Variants in RFX3 observed in about 807,000 individuals in gnomAD.
The protein encoded by RFX3 is regulatory factor X3.
RFX3 carries 14 observed loss-of-function variants against 98.6 expected under a neutral mutation model. That is an observed-to-expected ratio of 0.14 (90% confidence interval 0.09 to 0.22). The LOEUF (loss-of-function observed/expected upper bound fraction) is 0.22, where lower values mean the gene tolerates loss of function less well. Among genes scored for constraint, RFX3 ranks in the 10% least tolerant of loss-of-function variants. The pLI is 1.00. For synonymous variants in RFX3, 383 were observed against 328.4 expected (o/e 1.17, Z -1.80); for missense variants, 639 against 926.9 (o/e 0.69, Z 4.03).
At chr9:3,416,344 C>A (rs1288314990) in intron 1 of RFX3, among the ~76,000 whole-genome samples, 1 of 152,134 alleles carries the variant, frequency 6.6e-6, no homozygotes, top group Middle Eastern at 3.2e-3. Flanking sequence ...AACAAGATTA[C>A]TAGAGTTCAA....
intron 1 of RFX3, among the ~76,000 whole-genome samples, chr9:3,447,532 C>T (rs558747541): frequency 2.6e-5 from 4 of 152,194 alleles, no homozygotes; most frequent in Admixed American, 6.5e-5. Flanking sequence ...CAATTTGTTT[C>T]GATTTTTTTC....
chr9:3,286,897 ACTC>A (rs1342548218), intron 7 of RFX3, among the ~76,000 whole-genome samples: 1 of 151,326 alleles, frequency 6.6e-6, no homozygotes, highest in Admixed American at 6.6e-5. Flanking sequence ...TCTTTTTATG[ACTC>A]CTCTAAGTTC....
At chr9:3,369,916 G>GTCT (rs1232164463) in intron 2 of RFX3, among the ~76,000 whole-genome samples, 3 of 151,526 alleles carry the variant, frequency 2.0e-5, no homozygotes. Flanking sequence ...TGCAAGCTCC[G>GTCT]CCCTCGGGTT....
chr9:3,354,410 C>T (rs1375402269), intron 2 of RFX3, among the ~76,000 whole-genome samples: 1 of 151,648 alleles, frequency 6.6e-6, no homozygotes, highest in East Asian at 1.9e-4. Context: ...GAATAAAGAA[C>T]ATTAAACCAA....
At chr9:3,398,925 A>T (rs916024356) in intron 1 of RFX3, among the ~76,000 whole-genome samples, 1,532 of 148,694 alleles carry the variant, frequency 0.01, 57 homozygotes, top group African/African-American at 0.036. Context: ...AAAAAAAAAA[A>T]AAAAAAAAAA....
chr9:3,474,759 C>T (rs1181225094), intron 1 of RFX3, among the ~76,000 whole-genome samples: 2 of 152,148 alleles, frequency 1.3e-5, no homozygotes, highest in African/African-American at 2.4e-5. Flanking sequence ...CAACAATACA[C>T]CATTAGAACC....
At chr9:3,521,686 A>T (rs1818724373) in intron 1 of RFX3, among the ~76,000 whole-genome samples, 1 of 152,224 alleles carries the variant, frequency 6.6e-6, no homozygotes, top group South Asian at 2.1e-4. Flanking sequence ...TATAAACTTT[A>T]TAGCAGTAAA....
At chr9:3,333,435 G>GTTTTGT (rs1563941931) in intron 3 of RFX3, among the ~76,000 whole-genome samples, 1 of 109,442 alleles carries the variant, frequency 9.1e-6, no homozygotes, top group Non-Finnish European at 2.0e-5. Context: ...CATAGAAAAT[G>GTTTTGT]TTTTTTTTTT....
At chr9:3,266,359 G>T in intron 11 of RFX3, 54 bp from the exon 12 acceptor site, 1 of 1,156,960 alleles carries the variant, frequency 8.6e-7, no homozygotes, top group Non-Finnish European at 1.3e-6. Flanking sequence ...GAATATTAAT[G>T]TTTGTGCTAG....
chr9:3,405,124 A>T (rs1256244700), intron 1 of RFX3, among the ~76,000 whole-genome samples: 1 of 151,698 alleles, frequency 6.6e-6, no homozygotes, highest in Non-Finnish European at 1.5e-5. Flanking sequence ...CAAGACATTC[A>T]TTTTTTCCGG....
chr9:3,429,085 C>G (rs1421285804), intron 1 of RFX3, among the ~76,000 whole-genome samples: 24 of 149,400 alleles, frequency 1.6e-4, no homozygotes, highest in Non-Finnish European at 2.4e-4. Flanking sequence ...TGCGGTGGCG[C>G]GATCTCGGCT....
At chr9:3,370,440 T>G (rs1009697777) in intron 2 of RFX3, among the ~76,000 whole-genome samples, 1 of 151,780 alleles carries the variant, frequency 6.6e-6, no homozygotes, top group African/African-American at 2.4e-5. Flanking sequence ...CTCTATCCTT[T>G]CAAATCTTCT....
At chr9:3,263,949 A>G (rs551292455) in intron 12 of RFX3, among the ~76,000 whole-genome samples, 2 of 152,262 alleles carry the variant, frequency 1.3e-5, no homozygotes, top group African/African-American at 2.4e-5. Flanking sequence ...ATGTTACCAC[A>G]GTCCTGAGGG....
intron 2 of RFX3, among the ~76,000 whole-genome samples, chr9:3,385,196 G>C (rs138628241): frequency 8.5e-4 from 130 of 152,258 alleles, no homozygotes; most frequent in African/African-American, 3.0e-3. Context: ...TGTAAGTACA[G>C]GTGCCAGTTA....
At chr9:3,428,074 A>T (rs1362448124) in intron 1 of RFX3, among the ~76,000 whole-genome samples, 1 of 152,086 alleles carries the variant, frequency 6.6e-6, no homozygotes, top group Non-Finnish European at 1.5e-5. Context: ...CAATAATCAC[A>T]GTCTTGCACT....
chr9:3,315,027 A>G (rs983439817), intron 4 of RFX3, among the ~76,000 whole-genome samples: 9 of 152,198 alleles, frequency 5.9e-5, no homozygotes, highest in Non-Finnish European at 1.5e-5. Flanking sequence ...AGCAGACCTA[A>G]TAGACATCTA....
intron 3 of RFX3, among the ~76,000 whole-genome samples, chr9:3,333,886 C>T (rs924735590): frequency 6.6e-6 from 1 of 152,104 alleles, no homozygotes; most frequent in Non-Finnish European, 1.5e-5. Context: ...TACTATGCAG[C>T]AGACACTATT....
At chr9:3,474,904 A>C (rs1251909114) in intron 1 of RFX3, among the ~76,000 whole-genome samples, 1 of 152,150 alleles carries the variant, frequency 6.6e-6, no homozygotes, top group Non-Finnish European at 1.5e-5. Flanking sequence ...GTTGAAGACC[A>C]GCCTGGGCAA....
At chr9:3,316,439 G>A (rs193001063) in intron 4 of RFX3, among the ~76,000 whole-genome samples, 2 of 152,186 alleles carry the variant, frequency 1.3e-5, no homozygotes, top group Admixed American at 1.3e-4. Flanking sequence ...GGCAAAAACT[G>A]GAATCATTCC....
Sources: gnomAD v4.1 joint callset for allele counts (sites outside exome capture counted in the v4.1 genomes callset) on GRCh38, gnomAD v4.1.1 for gene constraint, MANE v1.5 for transcripts, NCBI Gene and HGNC (gene_info 2026-07-23, HGNC 2026-07-21) for gene names.